FAM78B: variants seen among roughly 807,000 people sequenced by gnomAD.
FAM78B encodes the protein protein FAM78B.
In FAM78B, 10 loss-of-function variants were observed where a neutral mutation model predicts 20.0. That is an observed-to-expected ratio of 0.50 (90% CI 0.31 to 0.85). The LOEUF (loss-of-function observed/expected upper bound fraction) is 0.85. Ranked by LOEUF, FAM78B falls within the 40% of genes least tolerant of loss-of-function variation. FAM78B has a pLI of 0.05. For missense variants in FAM78B, 283 were observed against 345.0 expected, an observed-to-expected ratio of 0.82 and a Z score of 1.42; for synonymous variants, 135 against 132.8, an observed-to-expected ratio of 1.02 and a Z score of -0.12.
In FAM78B at chr1:166,166,396, A is replaced by T; in HGVS notation, c.-148T>A. On this transcript the variant is annotated 5_prime_UTR_variant, in exon 1 of 2. The change abolishes an upstream ATG in the 5' untranslated region. Coordinates refer to ENST00000354422, the MANE Select transcript of FAM78B (RefSeq NM_001017961.5). ...ACCTAGGAGCGGGGAGCCGCCGGGC[A>T]TCCTTGGGGAAGCCCCCTCCTCTTG... 3 of 648,278 alleles carry T rather than the reference A, an allele frequency of 4.6e-6. No homozygotes were observed. Among genetic ancestry groups the T allele is most frequent in the Non-Finnish European group, 5.8e-6 (3 of 514,886 alleles). 40.2% of individuals were successfully genotyped at this position (648,278 alleles called of 1,614,324 possible).
chr1:166,065,619 C>T (rs980790480), downstream of FAM78B, among the ~76,000 whole-genome samples: 7 of 152,108 alleles, frequency 4.6e-5, no homozygotes, highest in Admixed American at 2.6e-4. Flanking sequence ...GCAGGTGCAC[C>T]GCTGACCTGG....
intron 1 of FAM78B, among the ~76,000 whole-genome samples, chr1:166,116,475 G>A (rs933659308): frequency 6.6e-6 from 1 of 152,184 alleles, no homozygotes; most frequent in Non-Finnish European, 1.5e-5. Flanking sequence ...AGAAGCGTCT[G>A]CCCTCTCTAT....
chr1:166,061,821 C>A (rs1651607844), intron 2 of FAM78B, among the ~76,000 whole-genome samples: 2 of 152,120 alleles, frequency 1.3e-5, no homozygotes, highest in African/African-American at 4.8e-5. Context: ...ACAGACACAG[C>A]AGGGATAGAG....
chr1:166,102,046 G>A (rs971848059), intron 1 of FAM78B, among the ~76,000 whole-genome samples: 5 of 152,152 alleles, frequency 3.3e-5, no homozygotes, highest in African/African-American at 1.2e-4. Context: ...GAGAGTGGGG[G>A]CCAATATTCA....
At chr1:166,068,606 T>C (rs1651891991), downstream of FAM78B, among the ~76,000 whole-genome samples, 1 of 152,224 alleles carries the variant, frequency 6.6e-6, no homozygotes, top group Admixed American at 6.5e-5. Flanking sequence ...CTGCTTTTTA[T>C]TCTCTATCCA....
chr1:166,134,256 T>C (rs1654987880), intron 1 of FAM78B, among the ~76,000 whole-genome samples: 1 of 134,198 alleles, frequency 7.5e-6, no homozygotes, highest in Admixed American at 8.1e-5. Flanking sequence ...TGAGTGTGCA[T>C]ATAATATTTA....
intron 2 of FAM78B, among the ~76,000 whole-genome samples, chr1:166,063,235 C>T (rs2101942830): frequency 6.6e-6 from 1 of 152,330 alleles, no homozygotes; most frequent in Non-Finnish European, 1.5e-5. Flanking sequence ...TTTAGCCTGA[C>T]ACATAGAAGA....
At chr1:166,123,955 A>T (rs992675719) in intron 1 of FAM78B, among the ~76,000 whole-genome samples, 2 of 152,246 alleles carry the variant, frequency 1.3e-5, no homozygotes, top group East Asian at 3.9e-4. Flanking sequence ...TCCCAGGCCC[A>T]GGCCTAGTCC....
intron 1 of FAM78B, among the ~76,000 whole-genome samples, chr1:166,094,956 A>G (rs1653220696): frequency 6.6e-6 from 1 of 152,178 alleles, no homozygotes; most frequent in East Asian, 1.9e-4. Flanking sequence ...GGTTCTGTCT[A>G]TAAGAAAATA....
intron 2 of FAM78B, among the ~76,000 whole-genome samples, chr1:166,063,913 G>A (rs1283630291): frequency 1.3e-5 from 2 of 152,238 alleles, no homozygotes; most frequent in Non-Finnish European, 2.9e-5. Context: ...TGGGCCTGGA[G>A]GCAGAGGATG....
chr1:166,073,524 TTC>T (rs897159268), intron 1 of FAM78B, among the ~76,000 whole-genome samples: 4 of 145,650 alleles, frequency 2.7e-5, no homozygotes, highest in Admixed American at 6.9e-5. Context: ...CTCCCTTCCT[TTC>T]TCTTTCTCTC....
chr1:166,113,629 G>T (rs540413741), intron 1 of FAM78B, among the ~76,000 whole-genome samples: 92 of 152,334 alleles, frequency 6.0e-4, no homozygotes, highest in African/African-American at 2.0e-3. Context: ...CAGCTGGCTG[G>T]AAGGACTGGA....
intron 1 of FAM78B, among the ~76,000 whole-genome samples, chr1:166,073,628 G>A (rs1557888935): frequency 6.6e-6 from 1 of 150,502 alleles, no homozygotes; most frequent in Non-Finnish European, 1.5e-5. Flanking sequence ...ATGGTTTTTC[G>A]AGAAGTCTCT....
At chr1:166,105,712 G>A (rs1180894334) in intron 1 of FAM78B, among the ~76,000 whole-genome samples, 2 of 152,056 alleles carry the variant, frequency 1.3e-5, no homozygotes, top group Admixed American at 6.5e-5. Context: ...AACAACAGGT[G>A]CTGGAGAGGA....
intron 1 of FAM78B, among the ~76,000 whole-genome samples, chr1:166,104,882 A>G (rs1653702851): frequency 6.6e-6 from 1 of 152,238 alleles, no homozygotes; most frequent in South Asian, 2.1e-4. Flanking sequence ...ACTAAAAAAG[A>G]GCCCGCATTG....
intron 1 of FAM78B, among the ~76,000 whole-genome samples, chr1:166,113,007 T>C (rs948253821): frequency 6.6e-6 from 1 of 152,212 alleles, no homozygotes; most frequent in Non-Finnish European, 1.5e-5. Flanking sequence ...TTTTAAAAAA[T>C]CTGTTTTCTA....
At chr1:166,126,218 G>A (rs1428944788) in intron 1 of FAM78B, among the ~76,000 whole-genome samples, 3 of 152,072 alleles carry the variant, frequency 2.0e-5, no homozygotes, top group Non-Finnish European at 4.4e-5. Context: ...GGATACAGAG[G>A]GCTGACTGTC....
At chr1:166,072,656 A>G (rs1222893814) in intron 1 of FAM78B, among the ~76,000 whole-genome samples, 1 of 152,196 alleles carries the variant, frequency 6.6e-6, no homozygotes, top group Non-Finnish European at 1.5e-5. Context: ...TTCAGTCACA[A>G]TACATCTATT....
At chr1:166,087,879 C>CA (rs1164091914) in intron 1 of FAM78B, among the ~76,000 whole-genome samples, 1 of 152,174 alleles carries the variant, frequency 6.6e-6, no homozygotes, top group Non-Finnish European at 1.5e-5. Flanking sequence ...TACTAGCAGG[C>CA]ATAAGCCGTA....
Sources: gnomAD v4.1 joint callset for allele counts (sites outside exome capture counted in the v4.1 genomes callset) on GRCh38, gnomAD v4.1.1 for gene constraint, MANE v1.5 for transcripts, NCBI Gene and HGNC (gene_info 2026-07-23, HGNC 2026-07-21) for gene names.